Variants in CDK6 observed in about 807,000 individuals in gnomAD.
The protein encoded by CDK6 is cyclin dependent kinase 6, also known as cyclin-dependent kinase 6.
A neutral mutation model predicts 37.1 loss-of-function variants in CDK6; 6 were observed. That is an observed-to-expected ratio of 0.16 (90% confidence interval 0.09 to 0.32). The LOEUF (loss-of-function observed/expected upper bound fraction) is 0.32, where lower values mean the gene tolerates loss of function less well. Ranked by LOEUF, CDK6 falls within the 10% of genes least tolerant of loss-of-function variation. CDK6 has a pLI of 1.00. For missense variants in CDK6, 224 were observed against 418.9 expected (o/e 0.53, Z 4.06); for synonymous variants, 160 against 161.3 (o/e 0.99, Z 0.06).
At chr7:92,663,028 G>T (rs1002445292) in intron 5 of CDK6, among the ~76,000 whole-genome samples, 1 of 152,186 alleles carries the variant, frequency 6.6e-6, no homozygotes, top group African/African-American at 2.4e-5. Context: ...AGATTTGAAA[G>T]GAGTAACAGA....
chr7:92,819,105 C>T (rs1801105882), intron 2 of CDK6, among the ~76,000 whole-genome samples: 1 of 151,940 alleles, frequency 6.6e-6, no homozygotes, highest in Admixed American at 6.6e-5. Flanking sequence ...AATACAAAGA[C>T]CTGTACACAA....
rs527852879 is a variant in CDK6 at position 92,707,219 on chromosome 7, C to T, written c.537+18407G>A. Among the ~76,000 whole-genome samples the T allele has an allele frequency of 6.9e-4, 105 of 152,122 alleles. 1 individual carries two copies. Among genetic ancestry groups the T allele is most frequent in the South Asian group, 1.2e-3 (6 of 4,826 alleles). ...TTCATGTATTAACTCATTTAATTCC[C>T]ACAACAATCCTATTAAGATAGGTAC... On this transcript the variant is annotated intron_variant, in intron 4 of 7. Coordinates refer to ENST00000424848, the MANE Select transcript of CDK6 (RefSeq NM_001145306.2).
At chr7:92,627,652 C>T (rs1228543147) in intron 5 of CDK6, among the ~76,000 whole-genome samples, 2 of 151,966 alleles carry the variant, frequency 1.3e-5, no homozygotes, top group African/African-American at 2.4e-5. Context: ...GTAAGACAGA[C>T]TGCTAATGGG....
At chr7:92,813,606 T>C (rs2115950905) in intron 2 of CDK6, among the ~76,000 whole-genome samples, 1 of 152,366 alleles carries the variant, frequency 6.6e-6, no homozygotes, top group South Asian at 2.1e-4. Flanking sequence ...AATTGTGTCC[T>C]TACAGTACAG....
At chr7:92,675,952 T>A (rs1238314799) in intron 4 of CDK6, among the ~76,000 whole-genome samples, 1 of 152,104 alleles carries the variant, frequency 6.6e-6, no homozygotes, top group East Asian at 1.9e-4. Context: ...TGTTGTAAAT[T>A]TTTGTTTTCT....
intron 2 of CDK6, among the ~76,000 whole-genome samples, chr7:92,776,538 C>T (rs1799855232): frequency 6.6e-6 from 1 of 152,238 alleles, no homozygotes; most frequent in Non-Finnish European, 1.5e-5. Flanking sequence ...AGTGTAAAAG[C>T]ATTCCTGTTT....
chr7:92,700,643 C>A (rs1004052), intron 4 of CDK6, among the ~76,000 whole-genome samples: 1 of 152,112 alleles, frequency 6.6e-6, no homozygotes, highest in Admixed American at 6.5e-5. Context: ...GTTGGACATA[C>A]ATGAGTTCCC....
Position 92,610,447 on chromosome 7 carries a change from T to G in CDK6, c.*4693A>C, listed in dbSNP as rs1247160265. 8.7e-6 allele frequency: 2 copies of G among 231,004 alleles called. No individual in the cohort carries two copies. The highest frequency in any genetic ancestry group is 1.7e-5 in the Non-Finnish European group (2 of 116,744). 14.3% of individuals were successfully genotyped at this position (231,004 alleles called of 1,614,324 possible). A position where few individuals can be genotyped will look rare whatever the true frequency, so the allele number is the denominator to read the frequency against. On this transcript the variant is annotated 3_prime_UTR_variant, in exon 8 of 8. Coordinates refer to ENST00000424848, the MANE Select transcript of CDK6 (RefSeq NM_001145306.2). Reference sequence around the variant, plus strand: ...AGAAAGGCTACTTGAGAAAAAAACGTGTAAAAATTGGACCCCTTCTGTTTT... The same window carrying G: ...AGAAAGGCTACTTGAGAAAAAAACGGGTAAAAATTGGACCCCTTCTGTTTT...
rs1795576134 is a variant in CDK6 at position 92,612,167 on chromosome 7, G to A, written c.*2973C>T. On this transcript the variant is annotated 3_prime_UTR_variant, in exon 8 of 8. Coordinates refer to ENST00000424848, the MANE Select transcript of CDK6 (RefSeq NM_001145306.2). ...CTGTGCAACAGTTCCCAAAATGCCT[G>A]AGCCGCCAGAACCAAACATCAAACA... 4 of 232,996 alleles carry A rather than the reference G, an allele frequency of 1.7e-5. No individual in the cohort carries two copies. The highest frequency in any genetic ancestry group is 3.6e-4 in the South Asian group (2 of 5,522). The allele number at this position is 232,996 out of a possible 1,614,324, so 14.4% of individuals were successfully genotyped here.
intron 4 of CDK6, among the ~76,000 whole-genome samples, chr7:92,692,718 G>A (rs544874422): frequency 6.6e-6 from 1 of 152,208 alleles, no homozygotes; most frequent in Non-Finnish European, 1.5e-5. Context: ...CTGTGAAGTC[G>A]AGGCTGTAGT....
intron 3 of CDK6, among the ~76,000 whole-genome samples, chr7:92,770,319 C>CT (rs746741500): frequency 0.016 from 1,420 of 90,840 alleles, 24 homozygotes; most frequent in African/African-American, 0.035. Flanking sequence ...TCTATGTATG[C>CT]TTTTTTTTTT....
chr7:92,630,050 G>A (rs904139283), intron 5 of CDK6, among the ~76,000 whole-genome samples: 3 of 152,018 alleles, frequency 2.0e-5, no homozygotes, highest in African/African-American at 7.2e-5. Context: ...ATCACATTGG[G>A]GGTTAGGGCT....
At chr7:92,756,422 C>T (rs1240184617) in intron 3 of CDK6, among the ~76,000 whole-genome samples, 1 of 152,278 alleles carries the variant, frequency 6.6e-6, no homozygotes, top group East Asian at 1.9e-4. Flanking sequence ...AAACAAGAAT[C>T]TATTTAATTC....
intron 6 of CDK6, among the ~76,000 whole-genome samples, chr7:92,621,313 T>C (rs879417714): frequency 2.6e-5 from 4 of 152,240 alleles, no homozygotes; most frequent in African/African-American, 7.2e-5. Flanking sequence ...TACAGCTTCT[T>C]TGCTGTTGGC....
intron 2 of CDK6, among the ~76,000 whole-genome samples, chr7:92,786,908 G>A (rs1447337694): frequency 6.6e-6 from 1 of 151,970 alleles, no homozygotes; most frequent in Non-Finnish European, 1.5e-5. Flanking sequence ...ATGTGGCTGG[G>A]TGCAGTGGCT....
At chr7:92,755,298 G>A (rs1799288579) in intron 3 of CDK6, among the ~76,000 whole-genome samples, 1 of 151,996 alleles carries the variant, frequency 6.6e-6, no homozygotes, top group South Asian at 2.1e-4. Context: ...CTCGGGGAAC[G>A]TCTGGAGGGG....
chr7:92,809,060 T>C (rs1419560303), intron 2 of CDK6, among the ~76,000 whole-genome samples: 2 of 152,222 alleles, frequency 1.3e-5, no homozygotes, highest in African/African-American at 2.4e-5. Context: ...ATTTTTGCTA[T>C]ACTATAGCTA....
chr7:92,686,511 A>T (rs1797458047), intron 4 of CDK6, among the ~76,000 whole-genome samples: 1 of 151,788 alleles, frequency 6.6e-6, no homozygotes, highest in Admixed American at 6.6e-5. Context: ...TATATACCAC[A>T]TTTTCTTTAT....
chr7:92,758,490 A>C (rs1355840180), intron 3 of CDK6, among the ~76,000 whole-genome samples: 1 of 151,994 alleles, frequency 6.6e-6, no homozygotes, highest in Non-Finnish European at 1.5e-5. Context: ...CCATTGGTCT[A>C]TGTGTCTGTT....
Sources: allele counts gnomAD v4.1 joint callset (sites outside exome capture counted in the v4.1 genomes callset), GRCh38; gene constraint gnomAD v4.1.1; transcripts MANE v1.5; gene names NCBI Gene and HGNC (gene_info 2026-07-23, HGNC 2026-07-21).